TCF4: variants seen among roughly 807,000 people sequenced by gnomAD.
TCF4 encodes the protein transcription factor 4.
A neutral mutation model predicts 82.1 loss-of-function variants in TCF4; 3 were observed. The observed-to-expected ratio is 0.04, with a 90% CI of 0.02 to 0.09. The LOEUF (loss-of-function observed/expected upper bound fraction) is 0.09. TCF4 is among the 10% of genes least tolerant of loss of function. The pLI, the probability that TCF4 is intolerant of heterozygous loss-of-function variation, is 1.00. For missense variants in TCF4, 518 were observed against 852.7 expected, an observed-to-expected ratio of 0.61 and a Z score of 4.89; for synonymous variants, 276 against 309.6, an observed-to-expected ratio of 0.89 and a Z score of 1.14.
chr18:55,489,532 C>A (rs989063638), intron 3 of TCF4, among the ~76,000 whole-genome samples: 6 of 151,876 alleles, frequency 4.0e-5, no homozygotes, highest in Non-Finnish European at 7.4e-5. Context: ...TCCAGAGAAC[C>A]GAGTGGTATA....
intron 5 of TCF4, among the ~76,000 whole-genome samples, chr18:55,440,654 G>A (rs893529145): frequency 2.6e-5 from 4 of 152,046 alleles, no homozygotes; most frequent in African/African-American, 4.8e-5. Context: ...TGATCTCATC[G>A]GTAATCTTTC....
At chr18:55,398,727 T>C (rs1197019231) in intron 6 of TCF4, among the ~76,000 whole-genome samples, 1 of 152,156 alleles carries the variant, frequency 6.6e-6, no homozygotes, top group Admixed American at 6.5e-5. Flanking sequence ...CTTCCAAAAG[T>C]GATGCTGAGG....
At chr18:55,383,246 C>T (rs2092201436) in intron 6 of TCF4, among the ~76,000 whole-genome samples, 1 of 152,220 alleles carries the variant, frequency 6.6e-6, no homozygotes, top group Non-Finnish European at 1.5e-5. Flanking sequence ...TCTTCTTTTT[C>T]ACCCAGGTTC....
At chr18:55,506,142 C>G (rs924951818) in intron 3 of TCF4, among the ~76,000 whole-genome samples, 2 of 152,136 alleles carry the variant, frequency 1.3e-5, no homozygotes, top group African/African-American at 4.8e-5. Flanking sequence ...AAGCCTAAAT[C>G]TGAGTTTTGC....
At chr18:55,487,639 T>C (rs1223131920) in intron 3 of TCF4, among the ~76,000 whole-genome samples, 1 of 152,164 alleles carries the variant, frequency 6.6e-6, no homozygotes, top group Non-Finnish European at 1.5e-5. Flanking sequence ...TAAGAAAGTA[T>C]TTTTTCCCAG....
intron 3 of TCF4, chr18:55,519,173 C>T (rs2096911172): frequency 2.0e-5 from 3 of 152,148 alleles, no homozygotes; most frequent in African/African-American, 7.2e-5. Flanking sequence ...TGGCTCATGC[C>T]TTAATCCCAA....
At chr18:55,624,373 G>T (rs2097724444) in intron 2 of TCF4, among the ~76,000 whole-genome samples, 1 of 152,026 alleles carries the variant, frequency 6.6e-6, no homozygotes, top group Admixed American at 6.6e-5. Context: ...TCCTCTCACT[G>T]GGCATCTCCC....
At chr18:55,595,894 C>T (rs976669475) in intron 2 of TCF4, among the ~76,000 whole-genome samples, 6 of 151,998 alleles carry the variant, frequency 3.9e-5, no homozygotes, top group Admixed American at 1.3e-4. Context: ...TTTGTCTGTA[C>T]GTCGGTGGTC....
intron 3 of TCF4, among the ~76,000 whole-genome samples, chr18:55,470,333 AT>A (rs1432368145): frequency 6.6e-6 from 1 of 152,172 alleles, no homozygotes; most frequent in Non-Finnish European, 1.5e-5. Flanking sequence ...CAGGTCAGTG[AT>A]TTTTAAATAC....
intron 2 of TCF4, among the ~76,000 whole-genome samples, chr18:55,627,443 T>G (rs1457699548): frequency 6.6e-6 from 1 of 152,026 alleles, no homozygotes; most frequent in Non-Finnish European, 1.5e-5. Context: ...AGGAAGACAG[T>G]GGCCACGTGT....
chr18:55,571,791 G>T (rs1344592905), intron 3 of TCF4, among the ~76,000 whole-genome samples: 1 of 146,220 alleles, frequency 6.8e-6, no homozygotes, highest in African/African-American at 2.5e-5. Context: ...AATAATTCAA[G>T]CATAAAGAAA....
intron 2 of TCF4, among the ~76,000 whole-genome samples, chr18:55,601,954 G>A (rs1388033699): frequency 2.6e-4 from 40 of 152,134 alleles, no homozygotes; most frequent in Admixed American, 2.5e-3. Flanking sequence ...ATATAAATGC[G>A]CCAGTGTGAT....
At chr18:55,442,819 G>A (rs968672993) in intron 5 of TCF4, among the ~76,000 whole-genome samples, 1 of 152,270 alleles carries the variant, frequency 6.6e-6, no homozygotes, top group South Asian at 2.1e-4. Context: ...TTCCACAAAC[G>A]TGCAAAGAAC....
In TCF4 at chr18:55,274,979, T is replaced by C. The variant is rs79787089; in HGVS notation, c.789+640A>G. On this transcript the variant is annotated intron_variant, in intron 10 of 19. Transcript: ENST00000354452. ...ATGTTTAGTAATGAAAGACCTAACA[T>C]TCTAGAGCCCACCAGTTTTCACCTG... Among the ~76,000 whole-genome samples the C allele has an allele frequency of 5.8e-3, 885 of 152,206 alleles. 12 individuals are homozygous for C. Among genetic ancestry groups the C allele is most frequent in the African/African-American group, 0.02 (844 of 41,524 alleles).
chr18:55,548,038 T>C (rs916002595), intron 3 of TCF4, among the ~76,000 whole-genome samples: 1 of 152,198 alleles, frequency 6.6e-6, no homozygotes, highest in Non-Finnish European at 1.5e-5. Flanking sequence ...AAACCCTTAC[T>C]CCGCTCAGTA....
At chr18:55,509,702 C>G (rs1206955318) in intron 3 of TCF4, among the ~76,000 whole-genome samples, 1 of 152,116 alleles carries the variant, frequency 6.6e-6, no homozygotes, top group Admixed American at 6.5e-5. Context: ...TAATATCATT[C>G]CTCAAAATCT....
At chr18:55,488,765 G>T (rs2096544876) in intron 3 of TCF4, among the ~76,000 whole-genome samples, 1 of 152,142 alleles carries the variant, frequency 6.6e-6, no homozygotes, top group Non-Finnish European at 1.5e-5. Context: ...ACCTTTTGTT[G>T]TTATTGTTCT....
At chr18:55,274,951 G>A (rs1396854429) in intron 10 of TCF4, among the ~76,000 whole-genome samples, 1 of 152,122 alleles carries the variant, frequency 6.6e-6, no homozygotes, top group Non-Finnish European at 1.5e-5. Context: ...GGACAGAGTG[G>A]AAATGTTTAG....
chr18:55,451,857 T>C (rs1360372806), intron 5 of TCF4, among the ~76,000 whole-genome samples: 1 of 152,058 alleles, frequency 6.6e-6, no homozygotes, highest in East Asian at 1.9e-4. Context: ...ACTTAGAGAA[T>C]TGGCTGGGCA....
Sources: allele counts gnomAD v4.1 joint callset (sites outside exome capture counted in the v4.1 genomes callset), GRCh38; gene constraint gnomAD v4.1.1; transcripts MANE v1.5; gene names NCBI Gene and HGNC (gene_info 2026-07-23, HGNC 2026-07-21).